Variants in VIPR2 observed in about 807,000 individuals in gnomAD.
VIPR2 encodes vasoactive intestinal peptide receptor 2.
In VIPR2, 48 loss-of-function variants were observed where a neutral mutation model predicts 58.0. That is an observed-to-expected ratio of 0.83 (90% CI 0.66 to 1.05). The LOEUF is 1.05. VIPR2 is among the 50% of genes least tolerant of loss of function. The probability of loss-of-function intolerance (pLI) is 0.00; values close to 1 mark genes in which losing one functional copy is unlikely to be tolerated. For synonymous variants in VIPR2, 243 were observed against 235.2 expected, an observed-to-expected ratio of 1.03 and a Z score of -0.30; for missense variants, 534 against 558.0, an observed-to-expected ratio of 0.96 and a Z score of 0.43.
At chr7:159,040,324 C>A (rs1252120988) in intron 6 of VIPR2, among the ~76,000 whole-genome samples, 1 of 152,264 alleles carries the variant, frequency 6.6e-6, no homozygotes, top group Non-Finnish European at 1.5e-5. Context: ...GGTCCCTCCT[C>A]AGCCCCGTGG....
At chr7:159,109,353 T>C (rs979037285) in intron 3 of VIPR2, among the ~76,000 whole-genome samples, 2 of 151,994 alleles carry the variant, frequency 1.3e-5, no homozygotes, top group Non-Finnish European at 2.9e-5. Flanking sequence ...GGCAGGGAGG[T>C]TGGGGGAGTG....
intron 4 of VIPR2, among the ~76,000 whole-genome samples, chr7:159,066,202 G>A (rs1304923420): frequency 6.0e-5 from 9 of 150,070 alleles, no homozygotes; most frequent in African/African-American, 1.7e-4. Context: ...CTCCCGCACC[G>A]TCCATGGGAT....
At chr7:159,037,030 G>GGGAAGGA in intron 6 of VIPR2, 128 bp from the exon 7 acceptor site, 1 of 1,157,238 alleles carries the variant, frequency 8.6e-7, no homozygotes, top group Non-Finnish European at 1.2e-6. Context: ...CGGTGCCATT[G>GGGAAGGA]GGAAGGAAAG....
chr7:159,035,841 G>A (rs956267484), intron 8 of VIPR2, 111 bp downstream of exon 8: 82 of 1,465,722 alleles, frequency 5.6e-5, no homozygotes, highest in Non-Finnish European at 6.5e-5. Flanking sequence ...TCGGTTGGCC[G>A]CAAACGCTCC....
chr7:159,074,602 T>C (rs1195253643), intron 4 of VIPR2, among the ~76,000 whole-genome samples: 1 of 152,212 alleles, frequency 6.6e-6, no homozygotes, highest in Non-Finnish European at 1.5e-5. Flanking sequence ...TTTTCATAAG[T>C]CACCCAGCCT....
chr7:159,085,637 G>A (rs181203547), intron 4 of VIPR2, among the ~76,000 whole-genome samples: 131 of 152,256 alleles, frequency 8.6e-4, no homozygotes, highest in Non-Finnish European at 1.0e-3. Context: ...TGAAGCTGAC[G>A]CCAGGATCGA....
intron 8 of VIPR2, among the ~76,000 whole-genome samples, chr7:159,035,551 G>A (rs1017413746): frequency 6.6e-6 from 1 of 152,248 alleles, no homozygotes; most frequent in African/African-American, 2.4e-5. Flanking sequence ...GGCCGCATGA[G>A]CCAAGACCAG....
intron 3 of VIPR2, among the ~76,000 whole-genome samples, chr7:159,106,797 G>C (rs1274804739): frequency 7.1e-6 from 1 of 140,700 alleles, no homozygotes; most frequent in African/African-American, 2.7e-5. Flanking sequence ...GAGAGAGGCC[G>C]GGGAGGTACA....
intron 2 of VIPR2, among the ~76,000 whole-genome samples, chr7:159,115,698 G>T (rs1019002654): frequency 6.6e-6 from 1 of 152,216 alleles, no homozygotes; most frequent in South Asian, 2.1e-4. Context: ...TGGCTGGGTC[G>T]TCCCTTGGCC....
At chr7:159,103,260 C>A (rs1858410776) in intron 4 of VIPR2, among the ~76,000 whole-genome samples, 5 of 152,206 alleles carry the variant, frequency 3.3e-5, no homozygotes, top group Admixed American at 3.3e-4. Flanking sequence ...TGCTCCCAGA[C>A]ACCTCTTGGC....
At position 159,144,406 on chromosome 7, in the gene VIPR2, G is replaced by A. The variant is rs1024916276; in HGVS notation, c.51+315C>T. On this transcript the variant is annotated intron_variant, in intron 1 of 12. Coordinates refer to ENST00000262178, the MANE Select transcript of VIPR2 (RefSeq NM_003382.5). ...GCCCGCAGCTCCCAGCTCCCGGGAC[G>A]GCCCCGAACGAGCTCATCGTTGACG... The A allele has an allele frequency of 2.6e-6, 4 of 1,545,894 alleles. No individual in the cohort carries two copies. The African/African-American group carries it at 4.1e-5, about 16-fold the overall frequency.
In VIPR2 at chr7:159,043,194, G is replaced by C; in HGVS notation, c.456-18C>G. ...GCAGCTTCCTGAGGTGGGGGAGTGG[G>C]AGAGAGAGGAATTGGAGGGGGAAGG... is the stretch of plus-strand genomic sequence containing the variant. On this transcript the variant is annotated intron_variant, in intron 5 of 12. Coordinates refer to ENST00000262178, the MANE Select transcript of VIPR2 (RefSeq NM_003382.5). 2 of 1,580,114 alleles carry C rather than the reference G, an allele frequency of 1.3e-6. No homozygotes were observed. The highest frequency in any genetic ancestry group is 2.2e-5 in the South Asian group (2 of 89,116).
chr7:159,075,974 C>A (rs756881147), intron 4 of VIPR2, among the ~76,000 whole-genome samples: 1 of 152,224 alleles, frequency 6.6e-6, no homozygotes, highest in Non-Finnish European at 1.5e-5. Context: ...ATCTCCACAC[C>A]CTTTGTGTTG....
chr7:159,122,701 A>G (rs539575414), intron 2 of VIPR2, among the ~76,000 whole-genome samples: 43 of 148,188 alleles, frequency 2.9e-4, no homozygotes, highest in African/African-American at 1.0e-3. Context: ...TGAGCTCTAA[A>G]ATGCAGATGT....
At chr7:159,088,792 A>G (rs1001999821) in intron 4 of VIPR2, among the ~76,000 whole-genome samples, 3 of 152,238 alleles carry the variant, frequency 2.0e-5, no homozygotes, top group African/African-American at 4.8e-5. Context: ...CGCTGCTGGG[A>G]GAACAATCCC....
At position 159,095,988 on chromosome 7, in the gene VIPR2, G is replaced by A. The variant is rs1857813554; in HGVS notation, c.357+7769C>T. ...GTGTATGATCTGGAGGCTCCCCGGG[G>A]GCTCCTGGCAACAAGCTGCAGGACG... On this transcript the variant is annotated intron_variant, in intron 4 of 12. Transcript: ENST00000262178. The surrounding 1 kb of genome is among the most constrained non-coding windows in gnomAD (Gnocchi z 5.2). Among the ~76,000 whole-genome samples, 1 of 152,108 alleles carries A rather than the reference G, an allele frequency of 6.6e-6. No homozygotes were observed. Among genetic ancestry groups the A allele is most frequent in the Admixed American group, 6.5e-5 (1 of 15,282 alleles).
chr7:159,032,417 C>CA (rs1853653103), intron 10 of VIPR2, among the ~76,000 whole-genome samples: 1 of 152,350 alleles, frequency 6.6e-6, no homozygotes, highest in Non-Finnish European at 1.5e-5. Context: ...GAGCCCGGCC[C>CA]ATCCTGAGGC....
At chr7:159,069,237 A>C (rs1274706961) in intron 4 of VIPR2, among the ~76,000 whole-genome samples, 1 of 152,058 alleles carries the variant, frequency 6.6e-6, no homozygotes, top group East Asian at 1.9e-4. Flanking sequence ...TCTTCCTGTC[A>C]GTTCTTCCTC....
chr7:159,034,036 G>A (rs887627895), intron 10 of VIPR2, among the ~76,000 whole-genome samples, 177 bp downstream of exon 10: 1 of 152,186 alleles, frequency 6.6e-6, no homozygotes, highest in African/African-American at 2.4e-5. Flanking sequence ...CCAGGGAAAT[G>A]CTGTCCAGGG....
Sources: gnomAD v4.1 joint callset for allele counts (sites outside exome capture counted in the v4.1 genomes callset) on GRCh38, gnomAD v4.1.1 for gene constraint, Gnocchi (gnomAD v3.1) non-coding constraint, MANE v1.5 for transcripts, NCBI Gene and HGNC (gene_info 2026-07-23, HGNC 2026-07-21) for gene names.